Variants in PPFIBP2 observed in about 807,000 individuals in gnomAD.
PPFIBP2 encodes PPFIB scaffold protein 2.
In PPFIBP2, 118 loss-of-function variants were observed where a neutral mutation model predicts 118.3. The ratio of observed to expected loss-of-function variants is 1.00; its 90% CI spans 0.86 to 1.16. PPFIBP2 has a LOEUF of 1.16. Among genes scored for constraint, PPFIBP2 ranks in the 50% most tolerant of loss-of-function variants. The probability of loss-of-function intolerance (pLI) is 0.00; values close to 1 mark genes in which losing one functional copy is unlikely to be tolerated. For synonymous variants in PPFIBP2, 414 were observed against 397.4 expected (o/e 1.04, Z -0.50); for missense variants, 1,195 against 1,073.1 (o/e 1.11, Z -1.59).
chr11:7,604,120 G>A (rs763522159), intron 5 of PPFIBP2, among the ~76,000 whole-genome samples: 3 of 152,206 alleles, frequency 2.0e-5, no homozygotes, highest in Non-Finnish European at 2.9e-5. Context: ...CCAGTCTTGG[G>A]TGAGAATGAG....
intron 10 of PPFIBP2, 148 bp from the exon 11 acceptor site, chr11:7,630,777 G>A: frequency 1.5e-6 from 1 of 654,082 alleles, no homozygotes; most frequent in Non-Finnish European, 2.7e-6. Flanking sequence ...ATGCCCTGAA[G>A]AATCTTCAGA....
At chr11:7,664,113 C>T in the PPFIBP2 span, among the ~76,000 whole-genome samples, 143 of 152,302 alleles carry the variant, frequency 9.4e-4, no homozygotes, top group African/African-American at 2.7e-3. Flanking sequence ...TCTTCTGCGT[C>T]GCTCACGCTG....
At chr11:7,594,827 G>C (rs1338448078) in intron 4 of PPFIBP2, among the ~76,000 whole-genome samples, 2 of 144,570 alleles carry the variant, frequency 1.4e-5, no homozygotes, top group Non-Finnish European at 3.0e-5. Flanking sequence ...TGACGTAGGA[G>C]AATTGATTGA....
chr11:7,574,841 G>T (rs1377890820), intron 3 of PPFIBP2, among the ~76,000 whole-genome samples: 5 of 152,130 alleles, frequency 3.3e-5, no homozygotes, highest in Non-Finnish European at 5.9e-5. Flanking sequence ...TGTGATTTTT[G>T]AGTTGAATTA....
intron 1 of PPFIBP2, among the ~76,000 whole-genome samples, chr11:7,526,609 C>A (rs562146302): frequency 6.6e-6 from 1 of 152,090 alleles, no homozygotes; most frequent in Non-Finnish European, 1.5e-5. Flanking sequence ...CGGTGGCTCA[C>A]GCCTGTAATC....
chr11:7,539,139 C>T (rs776797636), intron 1 of PPFIBP2: 4 of 152,302 alleles, frequency 2.6e-5, no homozygotes, highest in Non-Finnish European at 4.4e-5. Flanking sequence ...CAAAGCTCTG[C>T]CTCTTCACTT....
downstream of PPFIBP2, among the ~76,000 whole-genome samples, chr11:7,660,572 C>T (rs1854868809): frequency 6.7e-6 from 1 of 150,288 alleles, no homozygotes; most frequent in Admixed American, 6.6e-5. Context: ...AGGATTTTTG[C>T]ATCAATGTTC....
At position 7,559,121 on chromosome 11, in the gene PPFIBP2, A is replaced by G. The variant is rs1488936591; in HGVS notation, c.65-6432A>G. ...GTTGAAAATATTTGTGCTACTCTAA[A>G]TACTGCTTTGTTGCTCAAAATGAAA... is the stretch of plus-strand genomic sequence containing the variant. On this transcript the variant is annotated intron_variant, in intron 2 of 23. Transcript: ENST00000299492. Among the ~76,000 whole-genome samples the G allele has an allele frequency of 2.0e-5, 3 of 152,236 alleles. No homozygotes were observed. In the East Asian group the frequency reaches 5.8e-4, roughly 29 times the overall value.
intron 1 of PPFIBP2, among the ~76,000 whole-genome samples, chr11:7,533,898 G>A (rs74843307): frequency 0.034 from 5,156 of 152,332 alleles, 113 homozygotes; most frequent in Non-Finnish European, 0.051. Context: ...CTGTGAAGCC[G>A]AGGAATGTTT....
intron 7 of PPFIBP2, among the ~76,000 whole-genome samples, chr11:7,624,115 A>G (rs1329418356): frequency 6.6e-6 from 1 of 152,216 alleles, no homozygotes; most frequent in Non-Finnish European, 1.5e-5. Flanking sequence ...AAGGTTATTC[A>G]GAAACCCTTG....
At chr11:7,666,571 A>T in the PPFIBP2 span, 8 of 1,575,944 alleles carry the variant, frequency 5.1e-6, no homozygotes, top group Admixed American at 1.3e-4. Flanking sequence ...AGCAACACTG[A>T]AAAAGCCCCT....
In PPFIBP2 at chr11:7,533,672, T is replaced by C. The variant is rs1346324133; in HGVS notation, c.-36-15768T>C. Among the ~76,000 whole-genome samples the C allele has an allele frequency of 2.6e-5, 4 of 152,120 alleles. No homozygotes were observed. In the East Asian group the frequency reaches 7.7e-4, roughly 29 times the overall value. On this transcript the variant is annotated intron_variant, in intron 1 of 23. Transcript: ENST00000299492. ...AGGAAAGGTTTTCTGGCAGTGGTCA[T>C]TTGGATAAGGCCTTAGCATGGGTGG...
the PPFIBP2 span, among the ~76,000 whole-genome samples, chr11:7,664,166 C>T: frequency 2.0e-5 from 3 of 152,196 alleles, no homozygotes; most frequent in East Asian, 1.9e-4. Context: ...CGTCTTGGCT[C>T]CTCCCTTGCA....
chr11:7,577,736 G>A (rs1856656295), intron 3 of PPFIBP2: 2 of 450,062 alleles, frequency 4.4e-6, no homozygotes. Context: ...TGTGGTAGGG[G>A]GAGGTATTGT....
intron 1 of PPFIBP2, among the ~76,000 whole-genome samples, chr11:7,543,408 G>C (rs931221241): frequency 5.3e-5 from 8 of 152,204 alleles, no homozygotes; most frequent in Non-Finnish European, 8.8e-5. Context: ...GGTTGTGGTG[G>C]GGTTCTTGGC....
At chr11:7,638,592 C>G (rs1271743191) in intron 14 of PPFIBP2, among the ~76,000 whole-genome samples, 2 of 152,222 alleles carry the variant, frequency 1.3e-5, no homozygotes, top group Non-Finnish European at 2.9e-5. Flanking sequence ...GTCTCAGTCA[C>G]AGCAGCCTTC....
At chr11:7,607,905 C>T (rs998409146) in intron 5 of PPFIBP2, among the ~76,000 whole-genome samples, 2 of 152,166 alleles carry the variant, frequency 1.3e-5, no homozygotes, top group Middle Eastern at 3.4e-3. Context: ...TGCCTAAACA[C>T]ATTTTGGGAA....
intron 1 of PPFIBP2, among the ~76,000 whole-genome samples, chr11:7,516,613 A>C (rs2134216113): frequency 6.6e-6 from 1 of 152,226 alleles, no homozygotes; most frequent in Admixed American, 6.5e-5. Flanking sequence ...CTGAGGCCTA[A>C]AATGGCGTCA....
intron 5 of PPFIBP2, among the ~76,000 whole-genome samples, chr11:7,608,484 T>C (rs1847665385): frequency 7.2e-6 from 1 of 139,202 alleles, no homozygotes; most frequent in Admixed American, 6.8e-5. Context: ...CTACTAAAAA[T>C]ACAAAATCCG....
Sources: allele counts gnomAD v4.1 joint callset (sites outside exome capture counted in the v4.1 genomes callset), GRCh38; gene constraint gnomAD v4.1.1; transcripts MANE v1.5; gene names NCBI Gene and HGNC (gene_info 2026-07-23, HGNC 2026-07-21).